The following MMP15 variants were observed in gnomAD, a reference collection of about 807,000 sequenced individuals.
The protein encoded by MMP15 is matrix metallopeptidase 15, also known as matrix metalloproteinase-15.
In MMP15, 36 loss-of-function variants were observed where a neutral mutation model predicts 65.0. The observed-to-expected ratio is 0.55, with a 90% CI of 0.42 to 0.73. The LOEUF (loss-of-function observed/expected upper bound fraction) is 0.73. Among genes scored for constraint, MMP15 ranks in the 30% least tolerant of loss-of-function variants. The pLI, the probability that MMP15 is intolerant of heterozygous loss-of-function variation, is 0.00. For synonymous variants in MMP15, 428 were observed against 410.2 expected, an observed-to-expected ratio of 1.04 and a Z score of -0.52; for missense variants, 870 against 987.8, an observed-to-expected ratio of 0.88 and a Z score of 1.60.
At chr16:58,044,416 C>T (rs1168595444) in intron 9 of MMP15, among the ~76,000 whole-genome samples, 3 of 152,214 alleles carry the variant, frequency 2.0e-5, no homozygotes, top group African/African-American at 7.2e-5. Flanking sequence ...CACTATACTC[C>T]AGCCTGGGTG....
rs41496151 is a variant in MMP15 at position 58,045,518 on chromosome 16, C to G, written c.*72C>G. ...TGAGATGGCTCCCAGGGGCTCCCTC[C>G]GCCCCCAGGTAGGGGCCCCTCTCAG... On this transcript the variant is annotated 3_prime_UTR_variant, in exon 10 of 10. Coordinates refer to ENST00000219271, the MANE Select transcript of MMP15 (RefSeq NM_002428.4). 5.1e-4 allele frequency: 700 copies of G among 1,368,860 alleles called. 8 individuals are homozygous for G. In the African/African-American group the frequency reaches 8.4e-3, roughly 16 times the overall value. The allele number at this position is 1,368,860 out of a possible 1,614,324, so 84.8% of individuals were successfully genotyped here. A position where few individuals can be genotyped will look rare whatever the true frequency, so the allele number is the denominator to read the frequency against.
chr16:58,043,623 C>T lies in MMP15; in HGVS notation c.1566C>T (p.Asp522=), dbSNP rs759018701. The T allele has an allele frequency of 1.0e-5, 16 of 1,607,974 alleles. No homozygotes were observed. Among genetic ancestry groups the T allele is most frequent in the African/African-American group, 5.4e-5 (4 of 74,634 alleles). Residue 522 remains aspartate (D), a synonymous_variant, in exon 9 of 10, where the codon GAC becomes GAT. Coordinates refer to ENST00000219271, the MANE Select transcript of MMP15 (RefSeq NM_002428.4). ...CTAAAGGGGCCTTCCTGAGCAATGACGCAGGTACCTGGCCAGCCCCTCCCA... is the reference window on the plus strand; with the variant it reads ...CTAAAGGGGCCTTCCTGAGCAATGATGCAGGTACCTGGCCAGCCCCTCCCA... The part of the protein sequence containing the change: ...ASPKGAFLSN[D]AAYTYFYKGT...
rs1282168989 is a variant in MMP15 at position 58,039,877 on chromosome 16, T to A, written c.443T>A (p.Ile148Asn). Residue 148 changes from isoleucine to asparagine, a missense_variant and splice_region_variant, in exon 4 of 10, where the codon ATC (isoleucine) becomes AAC (asparagine). Physicochemically the swap from Ile to Asn is moderately radical, Grantham distance 149. Coordinates refer to ENST00000219271, the MANE Select transcript of MMP15 (RefSeq NM_002428.4). The stretch of plus-strand genomic sequence containing the variant: ...ACTCATCTCCCACCCACCCCCAGCA[T>A]CCAGAACTACACGGAGAAGTTGGGC... Reference protein sequence around the residue: ...KWNNHHLTFSIQNYTEKLGWY... With the variant: ...KWNNHHLTFSNQNYTEKLGWY... 2 of 1,595,482 alleles carry A rather than the reference T, an allele frequency of 1.3e-6. No individual in the cohort carries two copies. The highest frequency in any genetic ancestry group is 1.7e-6 in the Non-Finnish European group (2 of 1,166,788).
At chr16:58,042,913 C>G (rs1959483884) in intron 7 of MMP15, among the ~76,000 whole-genome samples, 1 of 152,166 alleles carries the variant, frequency 6.6e-6, no homozygotes, top group African/African-American at 2.4e-5. Context: ...AGAGGCCAGG[C>G]AGTCCCCTCC....
intron 2 of MMP15, 39 bp downstream of exon 2, chr16:58,037,659 C>T: frequency 6.2e-7 from 1 of 1,613,274 alleles, no homozygotes; most frequent in Non-Finnish European, 8.5e-7. Flanking sequence ...CAGGCACCTG[C>T]CTTCCATCTG....
At chr16:58,039,472 T>C (rs1471307738) in intron 3 of MMP15, among the ~76,000 whole-genome samples, 1 of 152,188 alleles carries the variant, frequency 6.6e-6, no homozygotes, top group East Asian at 1.9e-4. Flanking sequence ...AGAGAGTCAC[T>C]TACCCAAGGT....
rs1959491126 is a variant in MMP15, at chr16:58,043,325, G to A, written c.1419G>A (p.Glu473=). ...GCATTGACACGGCCATCTGGTGGGAGCCCACAGGCCACACCTTCTTCTTCC... is the reference window on the plus strand; with the variant it reads ...GCATTGACACGGCCATCTGGTGGGAACCCACAGGCCACACCTTCTTCTTCC... The part of the protein sequence containing the change: ...YDRIDTAIWW[E]PTGHTFFFQE... The change falls in exon 8 of 10, where the codon GAG becomes GAA. Residue 473 remains glutamate, a synonymous_variant. Coordinates refer to ENST00000219271, the MANE Select transcript of MMP15 (RefSeq NM_002428.4). 6.2e-7 allele frequency: 1 copy of A among 1,604,718 alleles called. No individual in the cohort carries two copies. Among genetic ancestry groups the A allele is most frequent in the Non-Finnish European group, 8.5e-7 (1 of 1,174,504 alleles).
chr16:58,033,529 C>A (rs1285640319), intron 1 of MMP15, among the ~76,000 whole-genome samples: 1 of 152,246 alleles, frequency 6.6e-6, no homozygotes, highest in Non-Finnish European at 1.5e-5. Context: ...AGGAACCACC[C>A]TTCTGACTCC....
intron 3 of MMP15, among the ~76,000 whole-genome samples, chr16:58,038,903 T>C (rs1959389533): frequency 6.6e-6 from 1 of 152,160 alleles, no homozygotes; most frequent in Admixed American, 6.5e-5. Flanking sequence ...GGAAGAGTGG[T>C]TCCCATGGTC....
rs201916686 is a variant in MMP15 at position 58,042,358 on chromosome 16, T to C, written c.1292T>C (p.Val431Ala). Residue 431 changes from valine (V) to alanine (A), a missense_variant, in exon 7 of 10, where the codon GTC becomes GCC. Physicochemically the swap from Val to Ala is moderately conservative, Grantham distance 64. Coordinates refer to ENST00000219271, the MANE Select transcript of MMP15 (RefSeq NM_002428.4). ...TACGAGCGCCAAGACGGTCGTTTTGTCTTTTTCAAAGGTGAGCAGAGGTAG... is the reference window on the plus strand; with the variant it reads ...TACGAGCGCCAAGACGGTCGTTTTGCCTTTTTCAAAGGTGAGCAGAGGTAG... The part of the protein sequence containing the change: ...AAYERQDGRF[V>A]FFKGDRYWLF... 3.7e-6 allele frequency: 6 copies of C among 1,614,154 alleles called. No homozygotes were observed. The East Asian group carries it at 1.3e-4, about 36-fold the overall frequency.
chr16:58,040,206 G>A, intron 4 of MMP15, 24 bp downstream of exon 4: 2 of 1,587,708 alleles, frequency 1.3e-6, no homozygotes, highest in Non-Finnish European at 1.7e-6. Flanking sequence ...GCCAGGGTGA[G>A]GGGCAGGGCA....
At chr16:58,029,533 A>AT (rs2043054139) in intron 1 of MMP15, among the ~76,000 whole-genome samples, 1 of 152,186 alleles carries the variant, frequency 6.6e-6, no homozygotes, top group Admixed American at 6.5e-5. Context: ...AACTGGTCTG[A>AT]TTGGCACAGC....
chr16:58,039,414 A>G (rs1445437401), intron 3 of MMP15, among the ~76,000 whole-genome samples: 1 of 152,260 alleles, frequency 6.6e-6, no homozygotes. Flanking sequence ...CCCGGGTGAC[A>G]GAGCAAGACT....
intron 6 of MMP15, 29 bp from the exon 7 acceptor site, chr16:58,042,202 G>A (rs757515355): frequency 3.6e-5 from 58 of 1,600,930 alleles, no homozygotes; most frequent in Non-Finnish European, 4.6e-5. Context: ...GCTTGCCTGC[G>A]CTGCCCGCTC....
In MMP15 at chr16:58,040,044, G is replaced by A; in HGVS notation, c.610G>A (p.Gly204Ser). 6.2e-7 allele frequency: 1 copy of A among 1,614,166 alleles called. No homozygotes were observed. Among genetic ancestry groups the A allele is most frequent in the Non-Finnish European group, 8.5e-7 (1 of 1,180,056 alleles). ...CGACATCATGGTACTCTTTGCCTCT[G>A]GCTTCCACGGCGACAGCTCGCCGTT... ...EADIMVLFASGFHGDSSPFDG... is the reference protein window; with the variant it reads ...EADIMVLFASSFHGDSSPFDG... The change falls in exon 4 of 10, where the codon GGC becomes AGC. Residue 204 changes from glycine (G) to serine (S), a missense_variant. Gly to Ser is a moderately conservative substitution (Grantham distance 56). Transcript: ENST00000219271.
chr16:58,039,937 T>C lies in MMP15; in HGVS notation c.503T>C (p.Phe168Ser), dbSNP rs755909262. 2 of 1,613,300 alleles carry C rather than the reference T, an allele frequency of 1.2e-6. No individual in the cohort carries two copies. The highest frequency in any genetic ancestry group is 3.3e-5 in the Admixed American group (2 of 60,020). Residue 168 changes from phenylalanine (F) to serine (S), a missense_variant, in exon 4 of 10, where the codon TTC becomes TCC. By Grantham distance (155) the Phe-to-Ser change is radical (BLOSUM62 -2). Coordinates refer to ENST00000219271, the MANE Select transcript of MMP15 (RefSeq NM_002428.4). ...TCGATGGAGGCGGTGCGCAGGGCCTTCCGCGTGTGGGAGCAGGCCACGCCC... is the reference window on the plus strand; with the variant it reads ...TCGATGGAGGCGGTGCGCAGGGCCTCCCGCGTGTGGGAGCAGGCCACGCCC... The part of the protein sequence containing the change: ...YHSMEAVRRA[F>S]RVWEQATPLV...
intron 4 of MMP15, 33 bp from the exon 5 acceptor site, chr16:58,040,504 C>A: frequency 6.2e-7 from 1 of 1,604,426 alleles, no homozygotes; most frequent in Non-Finnish European, 8.5e-7. Context: ...CTGGCCACAG[C>A]TGACTGTGCT....
At chr16:58,035,860 T>A (rs1260842279) in intron 1 of MMP15, among the ~76,000 whole-genome samples, 1 of 152,118 alleles carries the variant, frequency 6.6e-6, no homozygotes, top group South Asian at 2.1e-4. Flanking sequence ...AGCTGCTCCG[T>A]CTATTGGCAG....
chr16:58,033,072 C>G (rs1483659693), intron 1 of MMP15, among the ~76,000 whole-genome samples: 1 of 152,222 alleles, frequency 6.6e-6, no homozygotes, highest in South Asian at 2.1e-4. Context: ...CCCACTCCCC[C>G]ACCGTGGCGG....
Sources: gnomAD v4.1 joint callset for allele counts (sites outside exome capture counted in the v4.1 genomes callset) on GRCh38, gnomAD v4.1.1 for gene constraint, MANE v1.5 for transcripts, NCBI Gene and HGNC (gene_info 2026-07-23, HGNC 2026-07-21) for gene names.